The following KIAA0825 variants were observed in gnomAD, a reference collection of about 807,000 sequenced individuals.
KIAA0825 encodes uncharacterized protein KIAA0825.
In KIAA0825, 119 loss-of-function variants were observed where a neutral mutation model predicts 147.6. That is an observed-to-expected ratio of 0.81 (90% confidence interval 0.69 to 0.94). KIAA0825 has a LOEUF of 0.94. KIAA0825 is among the 40% of genes least tolerant of loss of function. The pLI is 0.00. For synonymous variants in KIAA0825, 470 were observed against 518.1 expected (o/e 0.91, Z 1.26); for missense variants, 1,381 against 1,472.7 (o/e 0.94, Z 1.02).
intron 20 of KIAA0825, among the ~76,000 whole-genome samples, chr5:94,193,943 C>T (rs942381969): frequency 2.6e-5 from 4 of 152,156 alleles, no homozygotes; most frequent in Non-Finnish European, 5.9e-5. Flanking sequence ...GAAGCCAGAG[C>T]ACCCAAAAGC....
intron 2 of KIAA0825, among the ~76,000 whole-genome samples, chr5:94,564,670 C>T (rs1406354831): frequency 6.6e-6 from 1 of 151,604 alleles, no homozygotes; most frequent in Non-Finnish European, 1.5e-5. Flanking sequence ...TCCCAAAATG[C>T]TGGGATTACA....
At position 94,464,997 on chromosome 5, in the gene KIAA0825, A is replaced by T; in HGVS notation, c.1935T>A (p.Asp645Glu). ...WHYFCWSLHY[D>E]LWTILPPKLA... ...ACTTAGGAGGCAGAATGGTCCAGAG[A>T]TCGTAATGAAGAGACCAGCAGAAAT... The change falls in exon 11 of 21, where the codon GAT becomes GAA. Residue 645 changes from aspartate (D) to glutamate (E), a missense_variant. Physicochemically the swap from Asp to Glu is conservative, Grantham distance 45. Transcript: ENST00000682413. The T allele has an allele frequency of 6.4e-7, 1 of 1,551,712 alleles. No individual in the cohort carries two copies. Among genetic ancestry groups the T allele is most frequent in the Non-Finnish European group, 8.7e-7 (1 of 1,146,978 alleles).
At chr5:94,378,658 T>C (rs29934) in intron 20 of KIAA0825, among the ~76,000 whole-genome samples, 21,043 of 152,256 alleles carry the variant, frequency 0.14, 1,547 homozygotes, top group East Asian at 0.18. Context: ...TAATTCTGTT[T>C]TAAGTTCTTT....
At chr5:94,352,251 G>A (rs193197077) in intron 20 of KIAA0825, among the ~76,000 whole-genome samples, 11 of 152,152 alleles carry the variant, frequency 7.2e-5, no homozygotes, top group Admixed American at 1.3e-4. Context: ...ATCAAAAAGC[G>A]GGCTAAGGAC....
intron 19 of KIAA0825, among the ~76,000 whole-genome samples, chr5:94,385,031 CTA>C (rs1359909861): frequency 3.3e-5 from 5 of 151,830 alleles, no homozygotes; most frequent in Non-Finnish European, 7.4e-5. Flanking sequence ...TCACAACAGA[CTA>C]TGGAGAAAAA....
intron 1 of KIAA0825, among the ~76,000 whole-genome samples, chr5:94,605,632 A>G (rs1048948202): frequency 5.3e-5 from 8 of 152,218 alleles, no homozygotes; most frequent in African/African-American, 1.4e-4. Flanking sequence ...AATAAATGTG[A>G]TTCACCAAAT....
chr5:94,175,593 C>G (rs1769018556), intron 20 of KIAA0825, among the ~76,000 whole-genome samples: 1 of 152,104 alleles, frequency 6.6e-6, no homozygotes, highest in African/African-American at 2.4e-5. Flanking sequence ...ACAGCATTCC[C>G]CTGTATTCTC....
chr5:94,293,779 A>G (rs546645419), intron 20 of KIAA0825, among the ~76,000 whole-genome samples: 1 of 152,318 alleles, frequency 6.6e-6, no homozygotes, highest in African/African-American at 2.4e-5. Flanking sequence ...AACTTGCTTT[A>G]TGAATCTGGG....
intron 15 of KIAA0825, among the ~76,000 whole-genome samples, chr5:94,405,005 T>C (rs1320200281): frequency 2.0e-5 from 3 of 152,146 alleles, no homozygotes; most frequent in Non-Finnish European, 2.9e-5. Flanking sequence ...ACTTCACAGC[T>C]GAGCACACAC....
chr5:94,483,683 T>C (rs1427784981), intron 6 of KIAA0825, among the ~76,000 whole-genome samples: 2 of 151,912 alleles, frequency 1.3e-5, no homozygotes, highest in African/African-American at 4.8e-5. Context: ...ATGTTATTTA[T>C]TTTATAATAT....
chr5:94,473,809 G>A (rs1761511569), intron 7 of KIAA0825, among the ~76,000 whole-genome samples: 1 of 151,932 alleles, frequency 6.6e-6, no homozygotes, highest in African/African-American at 2.4e-5. Context: ...GTTCAATAAA[G>A]CCATCTTTAC....
chr5:94,425,812 CAG>C (rs963973781), intron 14 of KIAA0825, among the ~76,000 whole-genome samples: 1 of 151,980 alleles, frequency 6.6e-6, no homozygotes, highest in Non-Finnish European at 1.5e-5. Context: ...GCCATTCTAA[CAG>C]GGGTAAGATG....
chr5:94,264,817 C>T (rs935908986), intron 20 of KIAA0825, among the ~76,000 whole-genome samples: 24 of 145,724 alleles, frequency 1.6e-4, no homozygotes, highest in African/African-American at 5.9e-4. Flanking sequence ...GGGTCTTGCT[C>T]TGTCTCCCAG....
intron 20 of KIAA0825, among the ~76,000 whole-genome samples, chr5:94,169,406 AC>A (rs1240475970): frequency 1.3e-5 from 2 of 151,892 alleles, no homozygotes; most frequent in African/African-American, 2.4e-5. Flanking sequence ...ACATGGTGAA[AC>A]CCTGTCTCTA....
chr5:94,214,241 A>T (rs1363995394), intron 20 of KIAA0825, among the ~76,000 whole-genome samples: 1 of 152,100 alleles, frequency 6.6e-6, no homozygotes, highest in Non-Finnish European at 1.5e-5. Context: ...TTTTCCCTGC[A>T]ATTAGTGTGC....
intron 15 of KIAA0825, among the ~76,000 whole-genome samples, chr5:94,406,554 C>G (rs1752090441): frequency 1.3e-5 from 2 of 152,150 alleles, no homozygotes; most frequent in South Asian, 2.1e-4. Flanking sequence ...CTGGGAAAAT[C>G]TGCACCTCCA....
At chr5:94,569,249 T>C (rs1280507615) in intron 2 of KIAA0825, 1 of 251,940 alleles carries the variant, frequency 4.0e-6, no homozygotes, top group Non-Finnish European at 7.6e-6. Flanking sequence ...TCAATAGCTA[T>C]TGCTGTAGTG....
At chr5:94,472,526 A>T (rs765106072) in intron 8 of KIAA0825, among the ~76,000 whole-genome samples, 5 of 152,136 alleles carry the variant, frequency 3.3e-5, no homozygotes, top group Non-Finnish European at 7.4e-5. Flanking sequence ...CGGGCGGATC[A>T]CAAGGTCGGA....
chr5:94,520,161 G>C (rs562344312), intron 5 of KIAA0825, 87 bp downstream of exon 5: 3 of 1,370,996 alleles, frequency 2.2e-6, no homozygotes, highest in Non-Finnish European at 2.9e-6. Flanking sequence ...TTTGCAGTGA[G>C]ATTTAACCAA....
Sources: gnomAD v4.1 joint callset for allele counts (sites outside exome capture counted in the v4.1 genomes callset) on GRCh38, gnomAD v4.1.1 for gene constraint, MANE v1.5 for transcripts, NCBI Gene and HGNC (gene_info 2026-07-23, HGNC 2026-07-21) for gene names.